The following ZNRF3 variants were observed in gnomAD, a reference collection of about 807,000 sequenced individuals.
ZNRF3 encodes the protein zinc and ring finger 3, also known as E3 ubiquitin-protein ligase ZNRF3.
ZNRF3 carries 23 observed loss-of-function variants against 72.5 expected under a neutral mutation model. The observed-to-expected ratio is 0.32, with a 90% CI of 0.23 to 0.45. The LOEUF (loss-of-function observed/expected upper bound fraction) is 0.45. Among genes scored for constraint, ZNRF3 ranks in the 20% least tolerant of loss-of-function variants. The probability of loss-of-function intolerance (pLI) is 1.00; values close to 1 mark genes in which losing one functional copy is unlikely to be tolerated. For synonymous variants in ZNRF3, 610 were observed against 545.3 expected (o/e 1.12, Z -1.65); for missense variants, 1,169 against 1,272.1 (o/e 0.92, Z 1.23).
intron 1 of ZNRF3, among the ~76,000 whole-genome samples, chr22:28,959,323 C>T (rs1464252889): frequency 6.6e-6 from 1 of 152,198 alleles, no homozygotes; most frequent in Non-Finnish European, 1.5e-5. Flanking sequence ...TGCGCCTCCT[C>T]TCCTCCTTCT....
chr22:28,944,612 G>A lies in ZNRF3; in HGVS notation c.301-42464G>A, dbSNP rs570574181. Among the ~76,000 whole-genome samples the A allele has an allele frequency of 3.1e-3, 466 of 152,192 alleles. 3 individuals are homozygous for A. Among genetic ancestry groups the A allele is most frequent in the African/African-American group, 0.01 (431 of 41,540 alleles). On this transcript the variant is annotated intron_variant, in intron 1 of 8. Transcript: ENST00000544604. ...TCTACTAAAAATATAAAAATTAGCC[G>A]GGCGTGGTGGCGCACGCCTGTAGTC...
intron 1 of ZNRF3, among the ~76,000 whole-genome samples, chr22:28,946,692 G>A (rs2035057705): frequency 6.6e-6 from 1 of 152,226 alleles, no homozygotes; most frequent in African/African-American, 2.4e-5. Flanking sequence ...GTTAGCAGAT[G>A]ATGGTTCTAT....
rs376098654 is a variant in ZNRF3 at position 29,048,424 on chromosome 22, C to T, written c.948C>T (p.His316=). ...TCATCCCCTGTACTCACCGGTTTCA[C>T]AGGAAGTGCGTGGACCCCTGGCTGC... ...LRVIPCTHRF[H]RKCVDPWLLQ... Residue 316 remains histidine, a synonymous_variant, in exon 7 of 9, where the codon CAC becomes CAT. Transcript: ENST00000544604. This position sits in a 1 kb window ranked among gnomAD's most constrained non-coding sequence, Gnocchi z 4.9. The T allele has an allele frequency of 4.3e-6, 7 of 1,614,066 alleles. No individual in the cohort carries two copies. The highest frequency in any genetic ancestry group is 1.3e-5 in the African/African-American group (1 of 74,926).
chr22:28,999,313 G>A (rs756365446), intron 2 of ZNRF3, among the ~76,000 whole-genome samples: 3 of 151,928 alleles, frequency 2.0e-5, no homozygotes, highest in East Asian at 1.9e-4. Flanking sequence ...CAGCCTGGGC[G>A]ACAGAACAAG....
intron 8 of ZNRF3, among the ~76,000 whole-genome samples, chr22:29,051,929 C>G (rs1038964446): frequency 1.3e-5 from 2 of 151,902 alleles, no homozygotes; most frequent in African/African-American, 4.8e-5. Context: ...CCCACCCTGC[C>G]CCTTGCACTT....
At chr22:28,901,274 C>G (rs2034097921) in intron 1 of ZNRF3, among the ~76,000 whole-genome samples, 2 of 152,106 alleles carry the variant, frequency 1.3e-5, no homozygotes, top group Admixed American at 6.5e-5. Context: ...CTAGGATGAG[C>G]ACAGATGTGA....
At chr22:28,973,243 G>A (rs1337518180) in intron 1 of ZNRF3, among the ~76,000 whole-genome samples, 1 of 152,200 alleles carries the variant, frequency 6.6e-6, no homozygotes, top group East Asian at 1.9e-4. Flanking sequence ...GCCTCCCAAA[G>A]TGCTGGGATT....
At chr22:28,910,884 G>T (rs2123760601) in intron 1 of ZNRF3, among the ~76,000 whole-genome samples, 1 of 152,312 alleles carries the variant, frequency 6.6e-6, no homozygotes, top group Admixed American at 6.5e-5. Context: ...TGAGACCCAG[G>T]CTAGGCTGGC....
At chr22:28,972,473 G>A (rs779024426) in intron 1 of ZNRF3, among the ~76,000 whole-genome samples, 4 of 152,124 alleles carry the variant, frequency 2.6e-5, no homozygotes, top group Non-Finnish European at 5.9e-5. Flanking sequence ...ATAATATTCC[G>A]TGGTGTGGGT....
At position 29,050,777 on chromosome 22, in the gene ZNRF3, C is replaced by T; in HGVS notation, c.2596C>T (p.Pro866Ser). 2 of 1,607,210 alleles carry T rather than the reference C, an allele frequency of 1.2e-6. No homozygotes were observed. Among genetic ancestry groups the T allele is most frequent in the Non-Finnish European group, 1.7e-6 (2 of 1,177,150 alleles). Residue 866 changes from proline (P) to serine (S), a missense_variant, in exon 8 of 9, where the codon CCC becomes TCC. Physicochemically the swap from Pro to Ser is moderately conservative, Grantham distance 74 (BLOSUM62 -1). Coordinates refer to ENST00000544604, the MANE Select transcript of ZNRF3 (RefSeq NM_001206998.2). ...GGTRGPDTPR[P>S]HRGLGATREE... ...GACGCGAGGCCCGGATACCCCACGG[C>T]CCCACAGGGGCCTGGGAGCAACCCG...
chr22:28,916,248 G>T (rs2034405767), intron 1 of ZNRF3, among the ~76,000 whole-genome samples: 1 of 151,978 alleles, frequency 6.6e-6, no homozygotes, highest in Admixed American at 6.6e-5. Flanking sequence ...TTTTTTTGTA[G>T]AGGCGAGGTC....
rs1358341305 is a variant in ZNRF3, at chr22:29,050,338, C to T, written c.2157C>T (p.Ser719=). Residue 719 remains serine, a synonymous_variant, in exon 8 of 9, where the codon TCC becomes TCT. Transcript: ENST00000544604. Reference sequence around the variant, plus strand: ...CCTGCTGCTGCGAGCCCCAGCCCTCCCCAGCCGGGCCTAGCGCCGGAGCAG... The same window carrying T: ...CCTGCTGCTGCGAGCCCCAGCCCTCTCCAGCCGGGCCTAGCGCCGGAGCAG... ...SCACCCEPQP[S]PAGPSAGAAG... is the part of the protein sequence containing the mutation. 2 of 1,602,080 alleles carry T rather than the reference C, an allele frequency of 1.2e-6. No individual in the cohort carries two copies. Among genetic ancestry groups the T allele is most frequent in the Non-Finnish European group, 1.7e-6 (2 of 1,177,030 alleles).
intron 1 of ZNRF3, among the ~76,000 whole-genome samples, chr22:28,893,858 A>G (rs2033941093): frequency 6.6e-6 from 1 of 152,234 alleles, no homozygotes; most frequent in East Asian, 1.9e-4. Context: ...TGATATAAAC[A>G]TTTTTGAGGC....
intron 2 of ZNRF3, among the ~76,000 whole-genome samples, chr22:29,000,532 C>A (rs1423622199): frequency 6.6e-6 from 1 of 152,104 alleles, no homozygotes; most frequent in Non-Finnish European, 1.5e-5. Context: ...ATCTTAACAT[C>A]TTTTAGAACC....
At chr22:28,973,213 CAA>C in intron 1 of ZNRF3, among the ~76,000 whole-genome samples, 1 of 152,150 alleles carries the variant, frequency 6.6e-6, no homozygotes, top group Non-Finnish European at 1.5e-5. Flanking sequence ...CTCCTGAGCT[CAA>C]ATAATCCTCC....
chr22:28,901,932 CTT>C (rs398036773), intron 1 of ZNRF3, among the ~76,000 whole-genome samples: 1,173 of 112,918 alleles, frequency 0.01, 9 homozygotes, highest in African/African-American at 0.035. Context: ...TTTAAGTTAA[CTT>C]TTTTTTTTTT....
intron 2 of ZNRF3, among the ~76,000 whole-genome samples, chr22:29,007,645 C>T (rs2036279081): frequency 6.6e-6 from 1 of 151,862 alleles, no homozygotes; most frequent in Non-Finnish European, 1.5e-5. Flanking sequence ...ACAAATCTCT[C>T]CTATAGCTTT....
chr22:28,962,348 C>G (rs1200565592), intron 1 of ZNRF3, among the ~76,000 whole-genome samples: 1 of 152,178 alleles, frequency 6.6e-6, no homozygotes, highest in Admixed American at 6.5e-5. Context: ...TTCTGTGTAA[C>G]CTTTGACCTT....
At chr22:28,910,357 GAT>G (rs1391574739) in intron 1 of ZNRF3, among the ~76,000 whole-genome samples, 1 of 152,122 alleles carries the variant, frequency 6.6e-6, no homozygotes, top group Non-Finnish European at 1.5e-5. Context: ...TCAGACTTTG[GAT>G]CTGGAAGATA....
Sources: gnomAD v4.1 joint callset for allele counts (sites outside exome capture counted in the v4.1 genomes callset) on GRCh38, gnomAD v4.1.1 for gene constraint, Gnocchi (gnomAD v3.1) non-coding constraint, MANE v1.5 for transcripts, NCBI Gene and HGNC (gene_info 2026-07-23, HGNC 2026-07-21) for gene names.